The following GRHL2 variants were observed in gnomAD, a reference collection of about 807,000 sequenced individuals.
GRHL2 encodes the protein grainyhead like transcription factor 2, also known as grainyhead-like protein 2 homolog.
A neutral mutation model predicts 83.8 loss-of-function variants in GRHL2; 21 were observed. The observed-to-expected ratio is 0.25, with a 90% CI of 0.18 to 0.36. The LOEUF (loss-of-function observed/expected upper bound fraction) is 0.36. Among genes scored for constraint, GRHL2 ranks in the 10% least tolerant of loss-of-function variants. The pLI, the probability that GRHL2 is intolerant of heterozygous loss-of-function variation, is 1.00. For missense variants in GRHL2, 623 were observed against 781.8 expected (o/e 0.80, Z 2.42); for synonymous variants, 280 against 278.9 (o/e 1.00, Z -0.04).
intron 6 of GRHL2, among the ~76,000 whole-genome samples, chr8:101,574,213 T>C (rs961644727): frequency 1.3e-5 from 2 of 152,248 alleles, no homozygotes; most frequent in African/African-American, 2.4e-5. Context: ...GAAAATGCAG[T>C]TCACTCTGAA....
At chr8:101,535,992 G>A (rs905862361) in intron 1 of GRHL2, among the ~76,000 whole-genome samples, 5 of 152,182 alleles carry the variant, frequency 3.3e-5, no homozygotes, top group African/African-American at 1.2e-4. Context: ...AAATTTTCTG[G>A]AGGATGGGAT....
chr8:101,536,110 T>G (rs1247777951), intron 1 of GRHL2, among the ~76,000 whole-genome samples: 1 of 152,148 alleles, frequency 6.6e-6, no homozygotes, highest in African/African-American at 2.4e-5. Flanking sequence ...ATGGGCATCT[T>G]TAGGAAGCTG....
chr8:101,574,899 C>A (rs1244039833), intron 6 of GRHL2, among the ~76,000 whole-genome samples: 1 of 152,136 alleles, frequency 6.6e-6, no homozygotes, highest in Non-Finnish European at 1.5e-5. Flanking sequence ...TGACAACAAT[C>A]CTATGAAAAA....
intron 8 of GRHL2, among the ~76,000 whole-genome samples, chr8:101,619,107 G>A (rs1461589469): frequency 3.3e-5 from 5 of 152,072 alleles, no homozygotes; most frequent in Non-Finnish European, 7.3e-5. Flanking sequence ...CAAAAAATTA[G>A]CCAGACGTGG....
At chr8:101,519,983 C>A (rs1810650465) in intron 1 of GRHL2, among the ~76,000 whole-genome samples, 1 of 152,174 alleles carries the variant, frequency 6.6e-6, no homozygotes. Context: ...AAATTTTAAT[C>A]AGGCAAACTC....
chr8:101,677,859 T>C, the GRHL2 span, among the ~76,000 whole-genome samples: 3 of 152,110 alleles, frequency 2.0e-5, no homozygotes, highest in African/African-American at 7.2e-5. Context: ...GCGTTCACTG[T>C]AGAGAACCCT....
intron 13 of GRHL2, among the ~76,000 whole-genome samples, chr8:101,646,411 T>C (rs1586168404): frequency 6.6e-6 from 1 of 151,966 alleles, no homozygotes; most frequent in African/African-American, 2.4e-5. Context: ...CCTCTAGAAA[T>C]TGTACTGGGC....
At position 101,563,709 on chromosome 8, in the gene GRHL2, ATT is replaced by A. The variant is rs58383029; in HGVS notation, c.678+4906_678+4907del. Among the ~76,000 whole-genome samples the A allele has an allele frequency of 4.8e-5, 7 of 147,190 alleles. No homozygotes were observed. The East Asian group carries it at 9.9e-4, about 21-fold the overall frequency. ...ATTGCTTAAAATAGTTAGCAAACTT[ATT>A]TTTTTTTTGTTTTTTTTTGTTTTTT... On this transcript the variant is annotated intron_variant, in intron 4 of 15. Transcript: ENST00000646743.
intron 1 of GRHL2, among the ~76,000 whole-genome samples, chr8:101,504,112 C>G (rs1810286591): frequency 6.6e-6 from 1 of 152,060 alleles, no homozygotes; most frequent in Non-Finnish European, 1.5e-5. Flanking sequence ...AACGGAAAAG[C>G]CTACTTGCTG....
At chr8:101,504,682 A>G (rs1322284257) in intron 1 of GRHL2, among the ~76,000 whole-genome samples, 1 of 151,412 alleles carries the variant, frequency 6.6e-6, no homozygotes, top group Non-Finnish European at 1.5e-5. Flanking sequence ...TATTTTTTTT[A>G]GAGTATAGAC....
At chr8:101,547,621 A>G (rs1229440892) in intron 2 of GRHL2, among the ~76,000 whole-genome samples, 1 of 152,244 alleles carries the variant, frequency 6.6e-6, no homozygotes, top group African/African-American at 2.4e-5. Flanking sequence ...TTTATAGTTC[A>G]TGCAACTCAG....
intron 1 of GRHL2, among the ~76,000 whole-genome samples, chr8:101,519,485 G>A (rs529801664): frequency 6.6e-6 from 1 of 151,526 alleles, no homozygotes; most frequent in South Asian, 2.1e-4. Flanking sequence ...TGCAGCCTCA[G>A]ACTCCTGGGT....
At chr8:101,673,977 T>A (rs190123804), downstream of GRHL2, among the ~76,000 whole-genome samples, 961 of 151,748 alleles carry the variant, frequency 6.3e-3, 2 homozygotes, top group East Asian at 0.011. Context: ...TAACGAAATG[T>A]AGGCAGAAAT....
In GRHL2 at chr8:101,543,415, C is replaced by T. The variant is rs1304642398; in HGVS notation, c.195C>T (p.Gly65=). Residue 65 remains glycine (G), a synonymous_variant, in exon 2 of 16, where the codon GGC becomes GGT. Coordinates refer to ENST00000646743, the MANE Select transcript of GRHL2 (RefSeq NM_024915.4). ...ATGAGGACAGTGCTGCTGCCCTCGGCCTGCTCTATGACTACTACAAGGTAG... is the reference window on the plus strand; with the variant it reads ...ATGAGGACAGTGCTGCTGCCCTCGGTCTGCTCTATGACTACTACAAGGTAG... The part of the protein sequence containing the change: ...NGDEDSAAAL[G]LLYDYYKVPR... 25 of 1,614,036 alleles carry T rather than the reference C, an allele frequency of 1.5e-5. No individual in the cohort carries two copies. The highest frequency in any genetic ancestry group is 1.9e-5 in the Non-Finnish European group (23 of 1,179,920).
intron 7 of GRHL2, 57 bp downstream of exon 7, chr8:101,577,576 T>C (rs1811959086): frequency 1.5e-5 from 17 of 1,166,254 alleles, no homozygotes; most frequent in Non-Finnish European, 2.2e-5. Flanking sequence ...GTTGTCTCAA[T>C]GCCAAGGGGA....
At chr8:101,542,556 A>G (rs1269405815) in intron 1 of GRHL2, among the ~76,000 whole-genome samples, 1 of 35,074 alleles carries the variant, frequency 2.9e-5, no homozygotes, top group Non-Finnish European at 8.2e-5. Context: ...TCCGTCTCAG[A>G]AAAAAAAAAA....
At chr8:101,494,356 A>G (rs1485373198) in intron 1 of GRHL2, among the ~76,000 whole-genome samples, 7 of 152,192 alleles carry the variant, frequency 4.6e-5, no homozygotes, top group Non-Finnish European at 7.4e-5. Context: ...AAACTGCCAG[A>G]TAGTTGTACC....
At chr8:101,500,961 G>A (rs1810216948) in intron 1 of GRHL2, among the ~76,000 whole-genome samples, 1 of 152,190 alleles carries the variant, frequency 6.6e-6, no homozygotes, top group Admixed American at 6.5e-5. Context: ...GAAGAGAGAA[G>A]TGTTTCAGCT....
intron 11 of GRHL2, among the ~76,000 whole-genome samples, chr8:101,633,726 C>T (rs745852722): frequency 4.6e-5 from 7 of 152,104 alleles, no homozygotes; most frequent in Middle Eastern, 3.4e-3. Context: ...CATGCCAGTA[C>T]CTATTTTTTT....
Sources: allele counts gnomAD v4.1 joint callset (sites outside exome capture counted in the v4.1 genomes callset), GRCh38; gene constraint gnomAD v4.1.1; transcripts MANE v1.5; gene names NCBI Gene and HGNC (gene_info 2026-07-23, HGNC 2026-07-21).